The following PRKAA1 variants were observed in gnomAD, a reference collection of about 807,000 sequenced individuals.
PRKAA1 encodes the protein protein kinase AMP-activated catalytic subunit alpha 1, also known as 5'-AMP-activated protein kinase catalytic subunit alpha-1.
PRKAA1 carries 23 observed loss-of-function variants against 56.9 expected under a neutral mutation model. That is an observed-to-expected ratio of 0.40 (90% CI 0.29 to 0.57). The LOEUF (loss-of-function observed/expected upper bound fraction) is 0.57. Among genes scored for constraint, PRKAA1 ranks in the 20% least tolerant of loss-of-function variants. The pLI, the probability that PRKAA1 is intolerant of heterozygous loss-of-function variation, is 0.39. For missense variants in PRKAA1, 413 were observed against 679.7 expected, an observed-to-expected ratio of 0.61 and a Z score of 4.36; for synonymous variants, 226 against 227.0, an observed-to-expected ratio of 1.00 and a Z score of 0.04.
chr5:40,763,180 A>C (rs1156845424), intron 8 of PRKAA1, among the ~76,000 whole-genome samples, 158 bp from the exon 9 acceptor site: 1 of 152,226 alleles, frequency 6.6e-6, no homozygotes. Flanking sequence ...GCCTGTATTA[A>C]ACTATTCATC....
intron 1 of PRKAA1, among the ~76,000 whole-genome samples, chr5:40,784,870 T>C (rs891840098): frequency 7.2e-5 from 11 of 152,232 alleles, no homozygotes; most frequent in Admixed American, 5.9e-4. Context: ...CTCTTAAAGT[T>C]ATGCTTTTTC....
intron 5 of PRKAA1, chr5:40,768,498 AT>A: frequency 2.1e-6 from 2 of 940,552 alleles, no homozygotes; most frequent in Non-Finnish European, 2.5e-6. Context: ...TTTTTTAAAA[AT>A]TTTTTAAATA....
rs779764309 is a variant in PRKAA1, at chr5:40,767,468, G to T, written c.819C>A (p.Ile273=). The change falls in exon 6 of 9, where the codon ATC becomes ATA. Residue 273 remains isoleucine, a splice_region_variant and synonymous_variant. Coordinates refer to ENST00000397128, the MANE Select transcript of PRKAA1 (RefSeq NM_006251.6). ...TAACTTCCAAACTGCTTTATTACCT[G>T]ATATCTTTGATTGTGGCCCTCTTCA... The part of the protein sequence containing the change: ...DPMKRATIKD[I]REHEWFKQDL... 1.2e-4 allele frequency: 186 copies of T among 1,603,836 alleles called. 2 individuals are homozygous for T. The East Asian group carries it at 4.1e-3, about 36-fold the overall frequency.
intron 4 of PRKAA1, 47 bp downstream of exon 4, chr5:40,771,672 T>C: frequency 1.3e-6 from 2 of 1,557,196 alleles, no homozygotes; most frequent in South Asian, 2.4e-5. Context: ...ATTGAAACTA[T>C]AAGAACATTA....
intron 4 of PRKAA1, among the ~76,000 whole-genome samples, chr5:40,771,513 A>C (rs1174450808): frequency 3.9e-5 from 6 of 152,200 alleles, no homozygotes; most frequent in Non-Finnish European, 7.3e-5. Context: ...ATAAAATAAT[A>C]GTAATAAAGA....
At chr5:40,797,399 G>A (rs892304733) in intron 1 of PRKAA1, among the ~76,000 whole-genome samples, 1 of 152,120 alleles carries the variant, frequency 6.6e-6, no homozygotes, top group African/African-American at 2.4e-5. Flanking sequence ...AACACTAAAG[G>A]CACAGTCTCA....
Position 40,777,577 on chromosome 5 carries a change from T to A in PRKAA1, c.137A>T (p.His46Leu), listed in dbSNP as rs374595923. 3.1e-6 allele frequency: 5 copies of A among 1,607,340 alleles called. No homozygotes were observed. The highest frequency in any genetic ancestry group is 8.5e-7 in the Non-Finnish European group (1 of 1,176,024). ...AGCTACTTTATGCCCAGTCAATTCA[T>A]GTTTGCCAACTGTAAAAGAAGTAAT... ...GTFGKVKVGK[H>L]ELTGHKVAVK... Residue 46 changes from histidine (H) to leucine (L), a missense_variant, in exon 2 of 9, where the codon CAT becomes CTT. By Grantham distance (99) the His-to-Leu change is moderately conservative (BLOSUM62 -3). Coordinates refer to ENST00000397128, the MANE Select transcript of PRKAA1 (RefSeq NM_006251.6).
Position 40,762,350 on chromosome 5 carries a change from T to C in PRKAA1, c.*428A>G, listed in dbSNP as rs1743230787. The C allele has an allele frequency of 1.2e-5, 2 of 167,234 alleles. No homozygotes were observed. The highest frequency in any genetic ancestry group is 1.4e-4 in the South Asian group (1 of 7,154). 10.4% of individuals were successfully genotyped at this position (167,234 alleles called of 1,614,324 possible). A position where few individuals can be genotyped will look rare whatever the true frequency, so the allele number is the denominator to read the frequency against. On this transcript the variant is annotated 3_prime_UTR_variant, in exon 9 of 9. Transcript: ENST00000397128. Reference sequence around the variant, plus strand: ...GGAAGATACTAGCTATTTATGAAGTTAAGGAGCCCAGAAAACAAAATCACC... The same window carrying C: ...GGAAGATACTAGCTATTTATGAAGTCAAGGAGCCCAGAAAACAAAATCACC...
chr5:40,772,587 T>C (rs1263040347), intron 3 of PRKAA1, among the ~76,000 whole-genome samples: 1 of 151,734 alleles, frequency 6.6e-6, no homozygotes, highest in Non-Finnish European at 1.5e-5. Context: ...ACATAGCAAC[T>C]ACCTTTTCAT....
intron 1 of PRKAA1, among the ~76,000 whole-genome samples, chr5:40,787,283 T>C (rs894393238): frequency 2.6e-5 from 4 of 151,994 alleles, no homozygotes; most frequent in Admixed American, 2.6e-4. Context: ...CTGACCAACA[T>C]GGAGAAACCC....
intron 6 of PRKAA1, among the ~76,000 whole-genome samples, chr5:40,767,101 G>A (rs150459229): frequency 2.1e-4 from 32 of 152,240 alleles, no homozygotes; most frequent in South Asian, 4.1e-4. Context: ...AAACTCCTGA[G>A]CTCACATGAT....
chr5:40,796,319 G>T (rs1744927492), intron 1 of PRKAA1, among the ~76,000 whole-genome samples: 1 of 150,790 alleles, frequency 6.6e-6, no homozygotes, highest in Non-Finnish European at 1.5e-5. Flanking sequence ...CCCCATCTCG[G>T]GAAAAGAAAA....
chr5:40,761,144 AAATAAT>A lies in PRKAA1; in HGVS notation c.*1628_*1633del, dbSNP rs1412538575. On this transcript the variant is annotated 3_prime_UTR_variant, in exon 9 of 9. Transcript: ENST00000397128. The stretch of plus-strand genomic sequence containing the variant: ...AATTGATTTGTTCCATATTTTATCA[AAATAAT>A]AATAATGTTATATCCAACTAAAGAG... 2 of 152,142 alleles carry A rather than the reference AAATAAT, an allele frequency of 1.3e-5. No homozygotes were observed. Among genetic ancestry groups the A allele is most frequent in the African/African-American group, 4.8e-5 (2 of 41,454 alleles). The allele number at this position is 152,142 out of a possible 1,614,324, so 9.4% of individuals were successfully genotyped here. A position where few individuals can be genotyped will look rare whatever the true frequency, so the allele number is the denominator to read the frequency against.
Position 40,760,649 on chromosome 5 carries a change from A to G in PRKAA1, c.*2129T>C, listed in dbSNP as rs1322986696. The G allele has an allele frequency of 6.5e-6, 1 of 152,724 alleles. No homozygotes were observed. The highest frequency in any genetic ancestry group is 1.5e-5 in the Non-Finnish European group (1 of 67,990). 9.5% of individuals were successfully genotyped at this position (152,724 alleles called of 1,614,324 possible). A position where few individuals can be genotyped will look rare whatever the true frequency, so the allele number is the denominator to read the frequency against. On this transcript the variant is annotated 3_prime_UTR_variant, in exon 9 of 9. Coordinates refer to ENST00000397128, the MANE Select transcript of PRKAA1 (RefSeq NM_006251.6). ...TTACTTTGTACAGCTTTCAAATTAGAAGTTGAATAGAACAAGCCCTGGACA... is the reference window on the plus strand; with the variant it reads ...TTACTTTGTACAGCTTTCAAATTAGGAGTTGAATAGAACAAGCCCTGGACA...
At chr5:40,775,539 C>T in intron 2 of PRKAA1, 36 bp from the exon 3 acceptor site, 2 of 1,391,432 alleles carry the variant, frequency 1.4e-6, no homozygotes, top group South Asian at 2.3e-5. Flanking sequence ...AATATTAAAA[C>T]ACATATATTC....
chr5:40,767,705 A>AAC lies in PRKAA1; in HGVS notation c.597-17_597-16dup. On this transcript the variant is annotated splice_polypyrimidine_tract_variant and intron_variant, in intron 5 of 8. Coordinates refer to ENST00000397128, the MANE Select transcript of PRKAA1 (RefSeq NM_006251.6). ...CTGCATACAATCTGTAACAGGAAATAACAATTGGATTAAAGAATCATTTTA... is the reference window on the plus strand; with the variant it reads ...CTGCATACAATCTGTAACAGGAAATAACACAATTGGATTAAAGAATCATTTTA... 1 of 1,562,970 alleles carries AAC rather than the reference A, an allele frequency of 6.4e-7. No individual in the cohort carries two copies. Among genetic ancestry groups the AAC allele is most frequent in the Non-Finnish European group, 8.8e-7 (1 of 1,141,080 alleles).
At chr5:40,795,392 A>G (rs368690672) in intron 1 of PRKAA1, among the ~76,000 whole-genome samples, 22 of 152,286 alleles carry the variant, frequency 1.4e-4, no homozygotes, top group African/African-American at 5.1e-4. Flanking sequence ...TTAAAGAAAA[A>G]TTTAAAAAAT....
intron 1 of PRKAA1, among the ~76,000 whole-genome samples, chr5:40,785,953 G>A (rs1744462745): frequency 6.6e-6 from 1 of 151,982 alleles, no homozygotes; most frequent in Non-Finnish European, 1.5e-5. Context: ...AACATCAGGA[G>A]CCACAAGAAG....
chr5:40,795,082 T>G (rs1294284550), intron 1 of PRKAA1, among the ~76,000 whole-genome samples: 3 of 151,824 alleles, frequency 2.0e-5, no homozygotes, highest in African/African-American at 7.3e-5. Context: ...TAACAGCATT[T>G]GCAGTGACTT....
Sources: gnomAD v4.1 joint callset for allele counts (sites outside exome capture counted in the v4.1 genomes callset) on GRCh38, gnomAD v4.1.1 for gene constraint, MANE v1.5 for transcripts, NCBI Gene and HGNC (gene_info 2026-07-23, HGNC 2026-07-21) for gene names.